The following MACROD2 variants were observed in gnomAD, a reference collection of about 807,000 sequenced individuals.
MACROD2 encodes mono-ADP ribosylhydrolase 2, also known as ADP-ribose glycohydrolase MACROD2.
Under a neutral mutation model 70.4 loss-of-function variants are expected in MACROD2, and 36 were observed. The ratio of observed to expected loss-of-function variants is 0.51; its 90% CI spans 0.39 to 0.68. The LOEUF is 0.68. Ranked by LOEUF, MACROD2 falls within the 30% of genes least tolerant of loss-of-function variation. The pLI is 0.00. For synonymous variants in MACROD2, 172 were observed against 178.8 expected, an observed-to-expected ratio of 0.96 and a Z score of 0.30; for missense variants, 496 against 538.4, an observed-to-expected ratio of 0.92 and a Z score of 0.78.
At chr20:14,548,697 G>C (rs1315622319) in intron 4 of MACROD2, among the ~76,000 whole-genome samples, 1 of 11,048 alleles carries the variant, frequency 9.1e-5, no homozygotes, top group African/African-American at 2.0e-4. Flanking sequence ...CAGCCTGGGC[G>C]ACAGAGTGAG....
At chr20:15,361,838 A>T (rs984585677) in intron 6 of MACROD2, among the ~76,000 whole-genome samples, 5 of 152,064 alleles carry the variant, frequency 3.3e-5, no homozygotes, top group Admixed American at 1.3e-4. Context: ...TTATATTTCA[A>T]CTTTTGGGGT....
At chr20:15,906,741 C>A (rs1045160905) in intron 10 of MACROD2, among the ~76,000 whole-genome samples, 1 of 152,228 alleles carries the variant, frequency 6.6e-6, no homozygotes, top group Non-Finnish European at 1.5e-5. Flanking sequence ...GTTATCTACT[C>A]GAATGTTTCC....
chr20:15,336,130 C>G, intron 6 of MACROD2, among the ~76,000 whole-genome samples: 1 of 151,614 alleles, frequency 6.6e-6, no homozygotes, highest in East Asian at 1.9e-4. Flanking sequence ...TTCTTGAGCA[C>G]TGGTTGAGCA....
intron 11 of MACROD2, among the ~76,000 whole-genome samples, chr20:15,936,671 G>GTGTATATATATATATATA (rs1555797416): frequency 9.1e-5 from 13 of 143,296 alleles, no homozygotes; most frequent in Admixed American, 4.3e-4. Flanking sequence ...GTATATGTGT[G>GTGTATATATATATATATA]TATATATATA....
At chr20:14,320,500 C>G (rs541571584) in intron 3 of MACROD2, among the ~76,000 whole-genome samples, 2 of 152,188 alleles carry the variant, frequency 1.3e-5, no homozygotes, top group Admixed American at 1.3e-4. Context: ...AATATCAATG[C>G]AGACTTCTCA....
chr20:16,001,381 A>G (rs909076970), intron 15 of MACROD2, among the ~76,000 whole-genome samples: 3 of 152,212 alleles, frequency 2.0e-5, no homozygotes, highest in Non-Finnish European at 4.4e-5. Context: ...AAAAAGAGAA[A>G]AAGGGAGGCA....
chr20:15,417,356 C>G (rs1030325314), intron 6 of MACROD2, among the ~76,000 whole-genome samples: 2 of 150,922 alleles, frequency 1.3e-5, no homozygotes, highest in Non-Finnish European at 2.9e-5. Flanking sequence ...TTTGGAAGGC[C>G]GAGGCAGGAG....
chr20:14,362,091 C>T (rs191099915), intron 3 of MACROD2, among the ~76,000 whole-genome samples: 9 of 152,256 alleles, frequency 5.9e-5, no homozygotes, highest in Non-Finnish European at 1.3e-4. Context: ...CAATAGAATC[C>T]CTTCCCATAA....
chr20:15,405,636 G>A (rs1038955910), intron 6 of MACROD2, among the ~76,000 whole-genome samples: 17 of 152,188 alleles, frequency 1.1e-4, no homozygotes, highest in Admixed American at 4.6e-4. Context: ...CCTTTCTGTG[G>A]GAATCCTGTT....
At chr20:14,079,414 A>G (rs2053960036) in intron 2 of MACROD2, among the ~76,000 whole-genome samples, 1 of 152,130 alleles carries the variant, frequency 6.6e-6, no homozygotes, top group Non-Finnish European at 1.5e-5. Flanking sequence ...TAAATAAGAT[A>G]ATTTTTATGG....
At chr20:15,131,426 A>G (rs1434180975) in intron 5 of MACROD2, among the ~76,000 whole-genome samples, 1 of 152,114 alleles carries the variant, frequency 6.6e-6, no homozygotes, top group Non-Finnish European at 1.5e-5. Context: ...AGAAAAATAA[A>G]CAAGTCACTT....
At chr20:15,690,849 T>C (rs1310048153) in intron 8 of MACROD2, among the ~76,000 whole-genome samples, 2 of 152,212 alleles carry the variant, frequency 1.3e-5, no homozygotes, top group African/African-American at 4.8e-5. Flanking sequence ...ATCCTAGTAT[T>C]ACAGTCTGCA....
At chr20:14,421,066 G>T (rs761555314) in intron 3 of MACROD2, among the ~76,000 whole-genome samples, 9 of 152,164 alleles carry the variant, frequency 5.9e-5, no homozygotes, top group Non-Finnish European at 7.4e-5. Flanking sequence ...ATCAAAACAC[G>T]CTTGGTAATG....
In MACROD2 at chr20:14,118,842, A is replaced by ATTT. The variant is rs1225541555; in HGVS notation, c.271+33134_271+33136dup. On this transcript the variant is annotated intron_variant, in intron 3 of 17. Coordinates refer to ENST00000684519, the MANE Select transcript of MACROD2 (RefSeq NM_001351661.2). ...ATAAATGACAACTTTAGTGACTGTG[A>ATTT]TTTTTTTTTTTTTTTTTTTTTTAGA... is the stretch of plus-strand genomic sequence containing the variant. Among the ~76,000 whole-genome samples, 1,189 of 121,214 alleles carry ATTT rather than the reference A, an allele frequency of 9.8e-3. 13 individuals are homozygous for ATTT. The highest frequency in any genetic ancestry group is 0.032 in the Middle Eastern group (7 of 218). The allele number at this position is 121,214 out of a possible 152,430, so 79.5% of individuals were successfully genotyped here.
chr20:14,606,646 A>T (rs1600447265), intron 4 of MACROD2, among the ~76,000 whole-genome samples: 3 of 152,260 alleles, frequency 2.0e-5, no homozygotes, highest in Admixed American at 2.0e-4. Context: ...TACTGTTTTC[A>T]ATACGTTTTT....
intron 5 of MACROD2, among the ~76,000 whole-genome samples, chr20:14,901,525 G>A (rs1057441713): frequency 2.0e-5 from 3 of 151,924 alleles, no homozygotes; most frequent in East Asian, 3.9e-4. Flanking sequence ...GGATATATTC[G>A]GTTAAATTAT....
chr20:15,310,711 G>T (rs994230466), intron 6 of MACROD2, among the ~76,000 whole-genome samples: 2 of 152,086 alleles, frequency 1.3e-5, no homozygotes, highest in Non-Finnish European at 2.9e-5. Context: ...CCAAGATCTT[G>T]CAGAAACAGA....
chr20:15,331,676 T>C (rs962555376), intron 6 of MACROD2, among the ~76,000 whole-genome samples: 4 of 151,708 alleles, frequency 2.6e-5, no homozygotes, highest in Non-Finnish European at 5.9e-5. Flanking sequence ...CCAGACTTTC[T>C]TCTCTTCTCT....
intron 3 of MACROD2, among the ~76,000 whole-genome samples, chr20:14,110,053 G>A (rs754901291): frequency 3.3e-5 from 5 of 151,936 alleles, no homozygotes; most frequent in Non-Finnish European, 7.4e-5. Context: ...TTATCCCAGG[G>A]ATGCAAGGAT....
Sources: allele counts gnomAD v4.1 joint callset (sites outside exome capture counted in the v4.1 genomes callset), GRCh38; gene constraint gnomAD v4.1.1; transcripts MANE v1.5; gene names NCBI Gene and HGNC (gene_info 2026-07-23, HGNC 2026-07-21).